The following DOK6 variants were observed in gnomAD, a reference collection of about 807,000 sequenced individuals.
The protein encoded by DOK6 is downstream of tyrosine kinase 6.
Under a neutral mutation model 44.0 loss-of-function variants are expected in DOK6, and 22 were observed. The observed-to-expected ratio is 0.50, with a 90% CI of 0.36 to 0.71. The LOEUF is 0.71. Ranked by LOEUF, DOK6 falls within the 30% of genes least tolerant of loss-of-function variation. The probability of loss-of-function intolerance (pLI) is 0.00; values close to 1 mark genes in which losing one functional copy is unlikely to be tolerated. For missense variants in DOK6, 340 were observed against 416.4 expected (o/e 0.82, Z 1.60); for synonymous variants, 166 against 145.5 (o/e 1.14, Z -1.01).
intron 1 of DOK6, among the ~76,000 whole-genome samples, chr18:69,441,032 T>C (rs1306984239): frequency 6.6e-6 from 1 of 152,122 alleles, no homozygotes; most frequent in South Asian, 2.1e-4. Context: ...CAGAAAGATA[T>C]TAAAATTAAA....
chr18:69,457,747 A>T (rs894767587), intron 1 of DOK6, among the ~76,000 whole-genome samples: 1 of 152,172 alleles, frequency 6.6e-6, no homozygotes, highest in Admixed American at 6.6e-5. Context: ...TTTTAATGAT[A>T]TTGATTCTTT....
intron 1 of DOK6, among the ~76,000 whole-genome samples, chr18:69,511,892 T>C (rs1308563850): frequency 6.6e-6 from 1 of 152,134 alleles, no homozygotes; most frequent in African/African-American, 2.4e-5. Context: ...AAATAACACA[T>C]ATCAGACTGT....
chr18:69,681,519 T>C (rs751540404), intron 4 of DOK6, among the ~76,000 whole-genome samples: 1 of 152,106 alleles, frequency 6.6e-6, no homozygotes, highest in Non-Finnish European at 1.5e-5. Flanking sequence ...GAAAGTTACA[T>C]GAACACAAGT....
intron 5 of DOK6, among the ~76,000 whole-genome samples, chr18:69,714,971 GT>G (rs1445965151): frequency 6.6e-6 from 1 of 152,010 alleles, no homozygotes. Context: ...TATTTAATGT[GT>G]TTTTTTGTAA....
Position 69,435,025 on chromosome 18 carries a change from G to GGGAGGGAAGGAAGGAAGGAC in DOK6, c.66+33718_66+33719insGGGAAGGAAGGAAGGACGGA, listed in dbSNP as rs1978926067. Among the ~76,000 whole-genome samples the GGGAGGGAAGGAAGGAAGGAC allele has an allele frequency of 3.7e-4, 27 of 72,334 alleles. 1 individual carries two copies. The highest frequency in any genetic ancestry group is 1.3e-3 in the African/African-American group (25 of 19,432). The allele number at this position is 72,334 out of a possible 152,430, so 47.5% of individuals were successfully genotyped here. A position where few individuals can be genotyped will look rare whatever the true frequency, so the allele number is the denominator to read the frequency against. On this transcript the variant is annotated intron_variant, in intron 1 of 7. Transcript: ENST00000382713. ...GAAGAAAGATTAGTGTAGGGAGGGA[G>GGGAGGGAAGGAAGGAAGGAC]GGAAGGAAGGAAGGAAGGAAGGAAG...
At chr18:69,550,200 TAAGA>T (rs1274593541) in intron 1 of DOK6, among the ~76,000 whole-genome samples, 2,356 of 150,432 alleles carry the variant, frequency 0.016, 43 homozygotes, top group Middle Eastern at 0.034. Context: ...ATTCTATTAC[TAAGA>T]AGCAAAGCCA....
intron 3 of DOK6, among the ~76,000 whole-genome samples, chr18:69,614,687 G>T (rs558779361): frequency 6.6e-6 from 1 of 151,938 alleles, no homozygotes; most frequent in African/African-American, 2.4e-5. Context: ...TTTTGCATCC[G>T]TGTTACAGCT....
chr18:69,670,241 A>T (rs1382864674), intron 3 of DOK6, among the ~76,000 whole-genome samples: 1 of 152,218 alleles, frequency 6.6e-6, no homozygotes, highest in Admixed American at 6.5e-5. Context: ...GATTTGGTAC[A>T]GAGAAACAGT....
At chr18:69,483,823 A>G (rs1020933755) in intron 1 of DOK6, 1 of 152,092 alleles carries the variant, frequency 6.6e-6, no homozygotes, top group African/African-American at 2.4e-5. Flanking sequence ...TTAGAGATGC[A>G]TTAGTCTTTG....
intron 1 of DOK6, among the ~76,000 whole-genome samples, chr18:69,523,973 C>T (rs1220993494): frequency 1.3e-5 from 2 of 151,986 alleles, no homozygotes; most frequent in African/African-American, 2.4e-5. Flanking sequence ...TTTTTATAGT[C>T]TCAAATTTTC....
Position 69,843,750 on chromosome 18 carries a change from T to C in DOK6, c.*2367T>C, listed in dbSNP as rs935601088. The C allele has an allele frequency of 4.6e-5, 7 of 152,192 alleles. No individual in the cohort carries two copies. The highest frequency in any genetic ancestry group is 1.0e-4 in the Non-Finnish European group (7 of 68,036). 9.4% of individuals were successfully genotyped at this position (152,192 alleles called of 1,614,324 possible). On this transcript the variant is annotated 3_prime_UTR_variant, in exon 8 of 8. Transcript: ENST00000382713. ...ACCTCGGGCCAGTTCATTCTGAAAATGATGTCGTAAAAAGAGTATGTGTGA... is the reference window on the plus strand; with the variant it reads ...ACCTCGGGCCAGTTCATTCTGAAAACGATGTCGTAAAAAGAGTATGTGTGA...
intron 1 of DOK6, among the ~76,000 whole-genome samples, chr18:69,502,438 G>A: frequency 6.6e-6 from 1 of 151,942 alleles, no homozygotes; most frequent in East Asian, 1.9e-4. Context: ...AAAAAACAAA[G>A]ACAAAATGGT....
intron 3 of DOK6, among the ~76,000 whole-genome samples, chr18:69,620,420 A>G (rs1261208712): frequency 6.6e-6 from 1 of 152,184 alleles, no homozygotes; most frequent in Non-Finnish European, 1.5e-5. Flanking sequence ...GCTTGCATCC[A>G]TCAGTATAAT....
chr18:69,749,608 C>T (rs531804898), intron 6 of DOK6, among the ~76,000 whole-genome samples: 9 of 152,212 alleles, frequency 5.9e-5, no homozygotes, highest in South Asian at 2.1e-4. Flanking sequence ...CATCCCTTTC[C>T]TATCTTACAG....
chr18:69,828,869 GC>G (rs1263312848), intron 7 of DOK6, among the ~76,000 whole-genome samples: 1 of 45,598 alleles, frequency 2.2e-5, no homozygotes, highest in Non-Finnish European at 6.0e-5. Context: ...ATTATTAATA[GC>G]AATACATTTA....
chr18:69,811,686 T>C (rs1231338656), intron 7 of DOK6, among the ~76,000 whole-genome samples: 1 of 151,796 alleles, frequency 6.6e-6, no homozygotes, highest in South Asian at 2.1e-4. Flanking sequence ...AGCCAGAAAT[T>C]CTATGGGTAA....
intron 5 of DOK6, among the ~76,000 whole-genome samples, chr18:69,733,679 T>G (rs1429830324): frequency 6.6e-6 from 1 of 152,170 alleles, no homozygotes; most frequent in Non-Finnish European, 1.5e-5. Context: ...TACACAAACA[T>G]TAGCATGCTC....
chr18:69,513,803 G>A (rs1981441535), intron 1 of DOK6, among the ~76,000 whole-genome samples: 1 of 152,042 alleles, frequency 6.6e-6, no homozygotes, highest in Non-Finnish European at 1.5e-5. Flanking sequence ...GCTTCTTGGT[G>A]TTATAAAACT....
intron 1 of DOK6, among the ~76,000 whole-genome samples, chr18:69,418,295 T>C (rs1254356337): frequency 1.1e-4 from 15 of 136,340 alleles, no homozygotes; most frequent in Admixed American, 1.0e-3. Context: ...TTGGTGTTTG[T>C]TTTTGACTTT....
Sources: gnomAD v4.1 joint callset for allele counts (sites outside exome capture counted in the v4.1 genomes callset) on GRCh38, gnomAD v4.1.1 for gene constraint, MANE v1.5 for transcripts, NCBI Gene and HGNC (gene_info 2026-07-23, HGNC 2026-07-21) for gene names.